The following ABCA3 variants were observed in gnomAD, a reference collection of about 807,000 sequenced individuals.
ABCA3 encodes ATP binding cassette subfamily A member 3, also known as phospholipid-transporting ATPase ABCA3.
A neutral mutation model predicts 172.8 loss-of-function variants in ABCA3; 88 were observed. The observed-to-expected ratio is 0.51, with a 90% CI of 0.43 to 0.61. The LOEUF is 0.61. Among genes scored for constraint, ABCA3 ranks in the 20% least tolerant of loss-of-function variants. The pLI, the probability that ABCA3 is intolerant of heterozygous loss-of-function variation, is 0.00. For missense variants in ABCA3, 2,164 were observed against 2,301.0 expected (o/e 0.94, Z 1.22); for synonymous variants, 1,066 against 983.8 (o/e 1.08, Z -1.56).
intron 1 of ABCA3, among the ~76,000 whole-genome samples, chr16:2,333,908 T>C (rs1360276720): frequency 6.6e-6 from 1 of 152,054 alleles, no homozygotes; most frequent in African/African-American, 2.4e-5. Context: ...CAGGCTGGTC[T>C]CAAACTCTTG....
At chr16:2,332,010 G>A (rs1447242075) in intron 1 of ABCA3, among the ~76,000 whole-genome samples, 2 of 152,204 alleles carry the variant, frequency 1.3e-5, no homozygotes, top group African/African-American at 4.8e-5. Flanking sequence ...GTATCTCAAT[G>A]TTTGTTTTTT....
intron 18 of ABCA3, among the ~76,000 whole-genome samples, chr16:2,294,654 C>T (rs2093677110): frequency 6.6e-6 from 1 of 152,080 alleles, no homozygotes; most frequent in Admixed American, 6.6e-5. Context: ...CACTGCACTC[C>T]AGCCTGGGTG....
At chr16:2,291,751 A>G (rs1400432223) in intron 19 of ABCA3, among the ~76,000 whole-genome samples, 3 of 152,130 alleles carry the variant, frequency 2.0e-5, no homozygotes, top group Non-Finnish European at 4.4e-5. Flanking sequence ...TGAGATCATA[A>G]CCGAGGTGAC....
Position 2,329,870 on chromosome 16 carries a change from A to T in ABCA3, c.-538-16T>A, listed in dbSNP as rs1199456525. The T allele has an allele frequency of 1.3e-5, 2 of 152,244 alleles. No individual in the cohort carries two copies. Among genetic ancestry groups the T allele is most frequent in the East Asian group, 3.8e-4 (2 of 5,202 alleles). 9.4% of individuals were successfully genotyped at this position (152,244 alleles called of 1,614,324 possible). ...TCTCCAGCACCTTTGGACAGATGGA[A>T]GGTGTTTGAGTGTAATTTGGAAAAT... On this transcript the variant is annotated splice_polypyrimidine_tract_variant and intron_variant, in intron 1 of 32. Transcript: ENST00000301732.
At chr16:2,293,525 C>T (rs1397440102) in intron 18 of ABCA3, among the ~76,000 whole-genome samples, 2 of 150,848 alleles carry the variant, frequency 1.3e-5, no homozygotes, top group African/African-American at 4.9e-5. Flanking sequence ...GTGTGCACAA[C>T]TACACGTGGC....
intron 1 of ABCA3, among the ~76,000 whole-genome samples, chr16:2,330,309 T>C (rs999757536): frequency 2.2e-5 from 3 of 139,286 alleles, no homozygotes; most frequent in African/African-American, 5.6e-5. Flanking sequence ...AAAAAAAGAA[T>C]ATAAGCTCTA....
chr16:2,297,657 T>A lies in ABCA3; in HGVS notation c.2052+109A>T. 6.3e-7 allele frequency: 1 copy of A among 1,587,844 alleles called. No homozygotes were observed. The highest frequency in any genetic ancestry group is 2.3e-5 in the East Asian group (1 of 44,436). On this transcript the variant is annotated intron_variant, in intron 16 of 32. Coordinates refer to ENST00000301732, the MANE Select transcript of ABCA3 (RefSeq NM_001089.3). This position sits in a 1 kb window ranked among gnomAD's most constrained non-coding sequence, Gnocchi z 5.6. ...GCCGGCTTGAGTCCTCCAAGGATGG[T>A]GATGGCCTTGTCTGGGGTGTCAAGG...
chr16:2,288,064 G>A lies in ABCA3; in HGVS notation c.2966C>T (p.Ala989Val), dbSNP rs764055666. The A allele has an allele frequency of 5.0e-6, 8 of 1,612,264 alleles. No individual in the cohort carries two copies. The highest frequency in any genetic ancestry group is 1.7e-4 in the Middle Eastern group (1 of 6,036). Residue 989 changes from alanine to valine, a missense_variant, in exon 21 of 33, where the codon GCA (alanine) becomes GTA (valine). This residue lies in a region of ABCA3 where 1,343 missense variants were observed against 1,369.6 expected (regional missense o/e 0.98). Coordinates refer to ENST00000301732, the MANE Select transcript of ABCA3 (RefSeq NM_001089.3). ...GQQLSEHLKDALQAEGQEPRE... is the reference protein window; with the variant it reads ...GQQLSEHLKDVLQAEGQEPRE... Reference sequence around the variant, plus strand: ...GGGCTCCTGTCCCTCAGCCTGCAGTGCGTCTTTCAGATGCTCTGACAGCTG... The same window carrying A: ...GGGCTCCTGTCCCTCAGCCTGCAGTACGTCTTTCAGATGCTCTGACAGCTG...
At chr16:2,338,947 G>C (rs1412798084) in intron 1 of ABCA3, among the ~76,000 whole-genome samples, 1 of 151,894 alleles carries the variant, frequency 6.6e-6, no homozygotes. Flanking sequence ...GTAAAGATGA[G>C]GTTTCGCCAT....
At chr16:2,308,280 C>G (rs1396770060) in intron 11 of ABCA3, among the ~76,000 whole-genome samples, 170 bp downstream of exon 11, 1 of 152,194 alleles carries the variant, frequency 6.6e-6, no homozygotes, top group Non-Finnish European at 1.5e-5. Context: ...GGGGCCGTGT[C>G]CAGCTATCCA....
At chr16:2,320,806 G>A (rs987682442) in intron 7 of ABCA3, among the ~76,000 whole-genome samples, 8 of 152,204 alleles carry the variant, frequency 5.3e-5, no homozygotes, top group East Asian at 1.9e-4. Context: ...TCTCACACAC[G>A]TTATATCTCC....
chr16:2,288,406 G>T (rs1458972296), intron 20 of ABCA3, 77 bp from the exon 21 acceptor site: 1 of 1,480,056 alleles, frequency 6.8e-7, no homozygotes, highest in South Asian at 1.3e-5. Flanking sequence ...TGCGGCAGGT[G>T]CTGTTCTGTG....
At chr16:2,310,385 C>T (rs370280504) in intron 10 of ABCA3, among the ~76,000 whole-genome samples, 1 of 151,428 alleles carries the variant, frequency 6.6e-6, no homozygotes, top group Non-Finnish European at 1.5e-5. Context: ...TCCATCCTAG[C>T]GACAGAGTGA....
chr16:2,291,901 C>T (rs2093672631), intron 19 of ABCA3, among the ~76,000 whole-genome samples: 1 of 151,376 alleles, frequency 6.6e-6, no homozygotes. Context: ...TGGAGAAAAC[C>T]CATCTCTACT....
At chr16:2,322,836 A>G (rs323061) in intron 7 of ABCA3, among the ~76,000 whole-genome samples, 140,322 of 151,980 alleles carry the variant, frequency 0.92, 65,824 homozygotes, top group East Asian at 1. Context: ...CTTCTGCACA[A>G]CAAAGGAAAC....
Position 2,285,232 on chromosome 16 carries a change from TCCGGGTGCTG to T in ABCA3, c.3483+200_3483+209del, listed in dbSNP as rs1471013453. 1.3e-5 allele frequency among the ~76,000 whole-genome samples: 2 copies of T among 152,100 alleles called. No individual in the cohort carries two copies. Among genetic ancestry groups the T allele is most frequent in the African/African-American group, 4.8e-5 (2 of 41,424 alleles). On this transcript the variant is annotated intron_variant, in intron 23 of 32. Transcript: ENST00000301732. The surrounding 1 kb of genome is among the most constrained non-coding windows in gnomAD (Gnocchi z 4.7). ...CCGGAGCTGTAACCAGGATGGCTGC[TCCGGGTGCTG>T]CCCATGCATGGAGGGTAAAGGCTGA...
At chr16:2,296,120 G>A (rs1596841925) in intron 17 of ABCA3, among the ~76,000 whole-genome samples, 1 of 152,210 alleles carries the variant, frequency 6.6e-6, no homozygotes, top group East Asian at 1.9e-4. Flanking sequence ...GGAAGGGACT[G>A]TCAGCAGGAG....
chr16:2,324,574 C>T, intron 5 of ABCA3, 43 bp from the exon 6 acceptor site: 1 of 1,603,670 alleles, frequency 6.2e-7, no homozygotes, highest in South Asian at 1.1e-5. Flanking sequence ...CCAATCGGCC[C>T]TCCTGCTTGA....
intron 11 of ABCA3, among the ~76,000 whole-genome samples, chr16:2,306,537 G>C (rs903087321): frequency 6.6e-6 from 1 of 152,146 alleles, no homozygotes; most frequent in Middle Eastern, 3.2e-3. Context: ...GGAACTGCAT[G>C]GTGCCATGGC....
Sources: gnomAD v4.1 joint callset for allele counts (sites outside exome capture counted in the v4.1 genomes callset) on GRCh38, gnomAD v4.1.1 for gene constraint, gnomAD v4.1.1 regional missense constraint, Gnocchi (gnomAD v3.1) non-coding constraint, MANE v1.5 for transcripts, NCBI Gene and HGNC (gene_info 2026-07-23, HGNC 2026-07-21) for gene names.